The following AKAP11 variants were observed in gnomAD, a reference collection of about 807,000 sequenced individuals.
AKAP11 encodes the protein A-kinase anchor protein 11.
AKAP11 carries 36 observed loss-of-function variants against 146.1 expected under a neutral mutation model. The ratio of observed to expected loss-of-function variants is 0.25; its 90% CI spans 0.19 to 0.33. The LOEUF is 0.33. Among genes scored for constraint, AKAP11 ranks in the 10% least tolerant of loss-of-function variants. The probability of loss-of-function intolerance (pLI) is 1.00; values close to 1 mark genes in which losing one functional copy is unlikely to be tolerated. For synonymous variants in AKAP11, 780 were observed against 786.5 expected, an observed-to-expected ratio of 0.99 and a Z score of 0.14; for missense variants, 2,201 against 2,197.0, an observed-to-expected ratio of 1.00 and a Z score of -0.04.
chr13:42,296,712 TA>T (rs2138555686), intron 5 of AKAP11, among the ~76,000 whole-genome samples: 1 of 148,566 alleles, frequency 6.7e-6, no homozygotes, highest in South Asian at 2.2e-4. Context: ...AAAAATTTCA[TA>T]AAGTTAAGTT....
At chr13:42,314,229 G>C (rs1362201371) in intron 11 of AKAP11, among the ~76,000 whole-genome samples, 1 of 152,154 alleles carries the variant, frequency 6.6e-6, no homozygotes, top group Admixed American at 6.5e-5. Context: ...TGGATCGCAT[G>C]AGGCCAGGAA....
At chr13:42,318,690 T>G (rs1462270779) in intron 12 of AKAP11, among the ~76,000 whole-genome samples, 1 of 152,186 alleles carries the variant, frequency 6.6e-6, no homozygotes, top group Admixed American at 6.5e-5. Flanking sequence ...GGAAGGAAAA[T>G]CCACATCCTT....
intron 3 of AKAP11, among the ~76,000 whole-genome samples, chr13:42,287,477 G>A (rs536556736): frequency 9.9e-4 from 151 of 151,962 alleles, no homozygotes; most frequent in South Asian, 2.5e-3. Flanking sequence ...GTAGAGACGG[G>A]GTTTCACCGT....
Position 42,298,634 on chromosome 13 carries a change from TATAAGGTACACCTTGGACACA to T in AKAP11, c.454_474del (p.Ile152_Thr158del). On this transcript the variant is annotated inframe_deletion, in exon 7 of 13. Coordinates refer to ENST00000025301, the MANE Select transcript of AKAP11 (RefSeq NM_016248.4). The stretch of plus-strand genomic sequence containing the variant: ...GTCTCCTAAGTAAATATGCTACTGG[TATAAGGTACACCTTGGACACA>T]TTCTTGCATCAGAAGCACCAACTTG... The T allele has an allele frequency of 1.2e-6, 2 of 1,612,350 alleles. No individual in the cohort carries two copies. The highest frequency in any genetic ancestry group is 2.2e-5 in the South Asian group (2 of 90,770).
At chr13:42,286,477 G>A in intron 3 of AKAP11, 78 bp downstream of exon 3, 8 of 1,061,282 alleles carry the variant, frequency 7.5e-6, no homozygotes, top group Non-Finnish European at 1.1e-5. Flanking sequence ...CTACAGCTAT[G>A]ATGTTTTGTT....
At chr13:42,279,935 C>T (rs1033304606) in intron 1 of AKAP11, among the ~76,000 whole-genome samples, 1 of 152,194 alleles carries the variant, frequency 6.6e-6, no homozygotes, top group South Asian at 2.1e-4. Context: ...ATTGTCTCTA[C>T]TAAGGCTGCT....
At position 42,302,292 on chromosome 13, in the gene AKAP11, C is replaced by G; in HGVS notation, c.3546C>G (p.Leu1182=). 1 of 1,614,116 alleles carries G rather than the reference C, an allele frequency of 6.2e-7. No homozygotes were observed. Among genetic ancestry groups the G allele is most frequent in the Non-Finnish European group, 8.5e-7 (1 of 1,180,032 alleles). Residue 1182 remains leucine (L), a synonymous_variant, in exon 8 of 13, where the codon CTC becomes CTG. Transcript: ENST00000025301. ...TTGAGAGTAGTGAAAGTGGAGAGCT[C>G]CCAGAAGTGGATGTGAAGTCGGAGC... The part of the protein sequence containing the change: ...EEVESSESGE[L]PEVDVKSEHS...
intron 1 of AKAP11, among the ~76,000 whole-genome samples, chr13:42,273,298 T>G (rs7998061): frequency 0.24 from 37,086 of 152,128 alleles, 5,400 homozygotes; most frequent in East Asian, 0.55. Context: ...GTCATCATTT[T>G]AGGATGGCAG....
In AKAP11 at chr13:42,300,594, T is replaced by A. The variant is rs751212102; in HGVS notation, c.1848T>A (p.Ala616=). Residue 616 remains alanine, a synonymous_variant, in exon 8 of 13, where the codon GCT becomes GCA. Coordinates refer to ENST00000025301, the MANE Select transcript of AKAP11 (RefSeq NM_016248.4). ...SLKERAISGL[A]NFLVSEALSN... is the part of the protein sequence containing the mutation. Reference sequence around the variant, plus strand: ...AAGAACGTGCCATTAGTGGCCTGGCTAACTTTTTGGTGAGTGAAGCTTTAT... The same window carrying A: ...AAGAACGTGCCATTAGTGGCCTGGCAAACTTTTTGGTGAGTGAAGCTTTAT... 6.2e-7 allele frequency: 1 copy of A among 1,614,090 alleles called. No homozygotes were observed. The highest frequency in any genetic ancestry group is 1.1e-5 in the South Asian group (1 of 91,080).
In AKAP11 at chr13:42,308,435, CT is replaced by C. The variant is rs764147922; in HGVS notation, c.5118-12del. 2.3e-5 allele frequency: 35 copies of C among 1,538,808 alleles called. No homozygotes were observed. Among genetic ancestry groups the C allele is most frequent in the Non-Finnish European group, 2.9e-5 (33 of 1,138,034 alleles). The stretch of plus-strand genomic sequence containing the variant: ...GGATGCTTTCAATTTGATTTTTTTT[CT>C]TTTTTTCTTCTTTTTAGTTCAAAAG... On this transcript the variant is annotated intron_variant, in intron 8 of 12. Transcript: ENST00000025301.
chr13:42,306,368 G>T (rs998265340), intron 8 of AKAP11, among the ~76,000 whole-genome samples: 2 of 152,086 alleles, frequency 1.3e-5, no homozygotes, highest in African/African-American at 4.8e-5. Context: ...GGGAAGAAAA[G>T]AGACTGTCCT....
chr13:42,315,138 AG>A (rs1960758740), intron 11 of AKAP11, among the ~76,000 whole-genome samples: 1 of 152,212 alleles, frequency 6.6e-6, no homozygotes, highest in Non-Finnish European at 1.5e-5. Flanking sequence ...ATAGCTAAAA[AG>A]AATTTCTCGA....
intron 1 of AKAP11, among the ~76,000 whole-genome samples, chr13:42,278,901 A>T (rs181855310): frequency 2.1e-3 from 315 of 149,230 alleles, no homozygotes; most frequent in African/African-American, 7.2e-3. Context: ...TTTTTGAAAT[A>T]CATTTTCATT....
At chr13:42,294,929 A>G (rs1005998987) in intron 4 of AKAP11, among the ~76,000 whole-genome samples, 7 of 152,178 alleles carry the variant, frequency 4.6e-5, no homozygotes, top group Admixed American at 3.9e-4. Context: ...CAGGCTGTAA[A>G]TCATTTTTCT....
At chr13:42,290,896 G>T (rs1241032261) in intron 3 of AKAP11, among the ~76,000 whole-genome samples, 1 of 152,108 alleles carries the variant, frequency 6.6e-6, no homozygotes, top group African/African-American at 2.4e-5. Context: ...CTTTTTATTG[G>T]TGATAGATAT....
chr13:42,300,662 T>C lies in AKAP11; in HGVS notation c.1916T>C (p.Phe639Ser). ...KDLQYVKKQI[F>S]TNTVARFAAD... ...TTACAGTATGTAAAGAAGCAGATAT[T>C]CACAAACACAGTTGCTAGGTTTGCT... The change falls in exon 8 of 13, where the codon TTC becomes TCC. Residue 639 changes from phenylalanine to serine, a missense_variant. By Grantham distance (155) the Phe-to-Ser change is radical. Around this residue, in one of 3 missense-constraint regions of AKAP11, gnomAD observed 1,867 missense variants for 1,833.5 expected, o/e 1.02. Transcript: ENST00000025301. 1 of 1,614,104 alleles carries C rather than the reference T, an allele frequency of 6.2e-7. No homozygotes were observed. The highest frequency in any genetic ancestry group is 8.5e-7 in the Non-Finnish European group (1 of 1,179,962).
intron 1 of AKAP11, among the ~76,000 whole-genome samples, 161 bp from the exon 2 acceptor site, chr13:42,285,825 T>G (rs1410351212): frequency 6.6e-6 from 1 of 151,162 alleles, no homozygotes; most frequent in Non-Finnish European, 1.5e-5. Context: ...CATTCGTCTA[T>G]TATCAAACCC....
Position 42,302,634 on chromosome 13 carries a change from A to T in AKAP11, c.3888A>T (p.Glu1296Asp), listed in dbSNP as rs1278452542. The stretch of plus-strand genomic sequence containing the variant: ...ACAGTTGTTATGCTGATGGTGACGA[A>T]GATTATAAAGTAGAAGAGAAGTTGG... ...KKNSCYADGD[E>D]DYKVEEKLDI... Residue 1296 changes from glutamate (E) to aspartate (D), a missense_variant, in exon 8 of 13, where the codon GAA becomes GAT. Glu to Asp is a conservative substitution (Grantham distance 45). Transcript: ENST00000025301. 3.1e-6 allele frequency: 5 copies of T among 1,614,078 alleles called. No homozygotes were observed. In the African/African-American group the frequency reaches 6.7e-5, roughly 22 times the overall value.
chr13:42,308,713 C>T, intron 9 of AKAP11, 104 bp downstream of exon 9: 1 of 860,040 alleles, frequency 1.2e-6, no homozygotes, highest in Non-Finnish European at 1.7e-6. Context: ...TGAAAATATG[C>T]TATTACTTTC....
Sources: allele counts gnomAD v4.1 joint callset (sites outside exome capture counted in the v4.1 genomes callset), GRCh38; gene constraint gnomAD v4.1.1; regional missense constraint gnomAD v4.1.1; transcripts MANE v1.5; gene names NCBI Gene and HGNC (gene_info 2026-07-23, HGNC 2026-07-21).